MAP2K1: variants seen among roughly 807,000 people sequenced by gnomAD.
MAP2K1 encodes dual specificity mitogen-activated protein kinase kinase 1.
In MAP2K1, 16 loss-of-function variants were observed where a neutral mutation model predicts 46.3. The ratio of observed to expected loss-of-function variants is 0.35; its 90% CI spans 0.23 to 0.52. The LOEUF (loss-of-function observed/expected upper bound fraction) is 0.52. Ranked by LOEUF, MAP2K1 falls within the 20% of genes least tolerant of loss-of-function variation. MAP2K1 has a pLI of 0.94. For missense variants in MAP2K1, 263 were observed against 497.1 expected, an observed-to-expected ratio of 0.53 and a Z score of 4.48; for synonymous variants, 183 against 185.6, an observed-to-expected ratio of 0.99 and a Z score of 0.11.
chr15:66,422,965 TTTTTTTGA>T (rs2093447263), intron 1 of MAP2K1, among the ~76,000 whole-genome samples: 1 of 152,062 alleles, frequency 6.6e-6, no homozygotes, highest in African/African-American at 2.4e-5. Flanking sequence ...TGTTTTTTTG[TTTTTTTGA>T]GACAAGCTGG....
intron 1 of MAP2K1, among the ~76,000 whole-genome samples, chr15:66,393,663 C>T (rs1016326189): frequency 3.9e-5 from 6 of 152,230 alleles, no homozygotes; most frequent in Admixed American, 3.3e-4. Context: ...CTACAAGGCC[C>T]TACCTGACCA....
chr15:66,431,871 G>T (rs35948632), intron 1 of MAP2K1, among the ~76,000 whole-genome samples: 8,552 of 152,170 alleles, frequency 0.056, 346 homozygotes, highest in Middle Eastern at 0.11. Context: ...ACAGGCCCCA[G>T]TGTGTGTTGT....
chr15:66,423,093 GCCCAGCC>G (rs1295729257), intron 1 of MAP2K1, among the ~76,000 whole-genome samples: 1 of 151,998 alleles, frequency 6.6e-6, no homozygotes, highest in African/African-American at 2.4e-5. Context: ...GAGCCACCGT[GCCCAGCC>G]TCCATTTAAA....
intron 1 of MAP2K1, among the ~76,000 whole-genome samples, chr15:66,434,135 A>AT (rs1171850868): frequency 6.6e-6 from 1 of 152,132 alleles, no homozygotes; most frequent in Non-Finnish European, 1.5e-5. Flanking sequence ...AAATGAAGTG[A>AT]TTTTTTTCCC....
Position 66,418,666 on chromosome 15 carries a change from A to AT in MAP2K1, c.81-16347dup, listed in dbSNP as rs1254305858. Among the ~76,000 whole-genome samples the AT allele has an allele frequency of 2.6e-3, 366 of 142,074 alleles. 2 individuals carry two copies. The highest frequency in any genetic ancestry group is 0.011 in the Middle Eastern group (3 of 266). The allele number at this position is 142,074 out of a possible 152,430, so 93.2% of individuals were successfully genotyped here. A position where few individuals can be genotyped will look rare whatever the true frequency, so the allele number is the denominator to read the frequency against. On this transcript the variant is annotated intron_variant, in intron 1 of 10. Coordinates refer to ENST00000307102, the MANE Select transcript of MAP2K1 (RefSeq NM_002755.4). Reference sequence around the variant, plus strand: ...CCTTTGTTTTTCTGATGCTGACCACATTTTTTTTTTTTTTGAGACGGAGTC... The same window carrying AT: ...CCTTTGTTTTTCTGATGCTGACCACATTTTTTTTTTTTTTTGAGACGGAGTC...
At position 66,420,643 on chromosome 15, in the gene MAP2K1, A is replaced by G. The variant is rs560970245; in HGVS notation, c.81-14384A>G. Among the ~76,000 whole-genome samples the G allele has an allele frequency of 1.2e-4, 17 of 146,706 alleles. No homozygotes were observed. The East Asian group carries it at 3.4e-3, about 29-fold the overall frequency. ...CTTATTTATTTTTCAAAATAAATTT[A>G]CCTGTCCTTTCATTTTCTTATTTTT... On this transcript the variant is annotated intron_variant, in intron 1 of 10. Coordinates refer to ENST00000307102, the MANE Select transcript of MAP2K1 (RefSeq NM_002755.4).
intron 6 of MAP2K1, among the ~76,000 whole-genome samples, chr15:66,483,350 C>A (rs1892958733): frequency 6.6e-6 from 1 of 152,158 alleles, no homozygotes. Context: ...TCTGTCATCT[C>A]CTCATTGCTT....
At position 66,410,407 on chromosome 15, in the gene MAP2K1, A is replaced by G. The variant is rs112784757; in HGVS notation, c.80+22980A>G. Among the ~76,000 whole-genome samples, 132 of 151,916 alleles carry G rather than the reference A, an allele frequency of 8.7e-4. 2 individuals are homozygous for G. The highest frequency in any genetic ancestry group is 3.4e-3 in the Middle Eastern group (1 of 294). The stretch of plus-strand genomic sequence containing the variant: ...GTTTGAGCGATAGGATTTAACTTTT[A>G]GGAAAAAGGGGAAAAAAGAGAGAAG... On this transcript the variant is annotated intron_variant, in intron 1 of 10. Transcript: ENST00000307102.
At chr15:66,401,641 CAA>C (rs1467431428) in intron 1 of MAP2K1, among the ~76,000 whole-genome samples, 1 of 151,990 alleles carries the variant, frequency 6.6e-6, no homozygotes, top group African/African-American at 2.4e-5. Context: ...AAGGAGGAAA[CAA>C]TGGCTGCAGA....
chr15:66,394,721 G>A (rs1371627777), intron 1 of MAP2K1, among the ~76,000 whole-genome samples: 1 of 152,094 alleles, frequency 6.6e-6, no homozygotes, highest in African/African-American at 2.4e-5. Flanking sequence ...AAAAGTGCTG[G>A]GTTTACAGGC....
In MAP2K1 at chr15:66,414,447, G is replaced by A. The variant is rs558525023; in HGVS notation, c.81-20580G>A. ...CAAATCAGGAGCAGCCAAAAGAAGA[G>A]GCATATAGGGTAAGGCCTGGGAGGG... On this transcript the variant is annotated intron_variant, in intron 1 of 10. Transcript: ENST00000307102. Among the ~76,000 whole-genome samples, 6 of 152,226 alleles carry A rather than the reference G, an allele frequency of 3.9e-5. No homozygotes were observed. The South Asian group carries it at 1.0e-3, about 26-fold the overall frequency.
chr15:66,452,300 A>G (rs11855318), intron 5 of MAP2K1, among the ~76,000 whole-genome samples: 7 of 48,366 alleles, frequency 1.4e-4, no homozygotes, highest in Non-Finnish European at 2.0e-4. Context: ...AAAAAAAAAA[A>G]AAAGAAAAAA....
At chr15:66,438,390 C>G (rs1162239329) in intron 3 of MAP2K1, among the ~76,000 whole-genome samples, 3 of 152,090 alleles carry the variant, frequency 2.0e-5, no homozygotes, top group Non-Finnish European at 4.4e-5. Flanking sequence ...CCCAACCAAT[C>G]TTTTTATTTT....
At chr15:66,393,759 A>G (rs1364138843) in intron 1 of MAP2K1, among the ~76,000 whole-genome samples, 1 of 152,200 alleles carries the variant, frequency 6.6e-6, no homozygotes, top group Non-Finnish European at 1.5e-5. Flanking sequence ...GGTTGGGCAC[A>G]TTCTTATCTT....
At chr15:66,457,103 T>A (rs1021184244) in intron 5 of MAP2K1, among the ~76,000 whole-genome samples, 1 of 150,858 alleles carries the variant, frequency 6.6e-6, no homozygotes, top group Non-Finnish European at 1.5e-5. Context: ...GTAACAATTA[T>A]ACAAAATTCA....
chr15:66,439,152 A>G (rs7175755), intron 3 of MAP2K1, among the ~76,000 whole-genome samples: 149,306 of 152,294 alleles, frequency 0.98, 73,258 homozygotes, highest in East Asian at 1. Context: ...AATTCTGACT[A>G]TGGGCTGCTG....
chr15:66,458,344 C>T (rs570718424), intron 5 of MAP2K1, among the ~76,000 whole-genome samples: 30 of 152,328 alleles, frequency 2.0e-4, no homozygotes, highest in African/African-American at 6.7e-4. Flanking sequence ...GTTCATCCAA[C>T]TTAGCCGTAA....
chr15:66,488,560 G>A (rs1893131421), intron 8 of MAP2K1: 2 of 158,638 alleles, frequency 1.3e-5, no homozygotes. Context: ...GTGCTCCAGA[G>A]CCTTGTACTG....
chr15:66,490,690 CCTGT>C lies in MAP2K1; in HGVS notation c.*78_*81del, dbSNP rs1159168621. Reference sequence around the variant, plus strand: ...GTCGCTTTTGGGCCTCCTTCCCATGCCTGTCTCTGTTCAGATGTGCATTTCACCT... The same window carrying C: ...GTCGCTTTTGGGCCTCCTTCCCATGCCTCTGTTCAGATGTGCATTTCACCT... On this transcript the variant is annotated 3_prime_UTR_variant, in exon 11 of 11. Transcript: ENST00000307102. The C allele has an allele frequency of 9.8e-7, 1 of 1,021,140 alleles. No individual in the cohort carries two copies. The highest frequency in any genetic ancestry group is 2.4e-5 in the East Asian group (1 of 42,228). 63.3% of individuals were successfully genotyped at this position (1,021,140 alleles called of 1,614,324 possible). A position where few individuals can be genotyped will look rare whatever the true frequency, so the allele number is the denominator to read the frequency against.
Sources: allele counts gnomAD v4.1 joint callset (sites outside exome capture counted in the v4.1 genomes callset), GRCh38; gene constraint gnomAD v4.1.1; transcripts MANE v1.5; gene names NCBI Gene and HGNC (gene_info 2026-07-23, HGNC 2026-07-21).